Variants in LDLRAD3 observed in about 807,000 individuals in gnomAD.
LDLRAD3 encodes the protein low density lipoprotein receptor class A domain containing 3, also known as low-density lipoprotein receptor class A domain-containing protein 3.
LDLRAD3 carries 20 observed loss-of-function variants against 29.4 expected under a neutral mutation model. That is an observed-to-expected ratio of 0.68 (90% CI 0.48 to 0.99). The LOEUF is 0.99. Among genes scored for constraint, LDLRAD3 ranks in the 50% least tolerant of loss-of-function variants. LDLRAD3 has a pLI of 0.00. For synonymous variants in LDLRAD3, 157 were observed against 192.7 expected, an observed-to-expected ratio of 0.81 and a Z score of 1.53; for missense variants, 420 against 454.3, an observed-to-expected ratio of 0.92 and a Z score of 0.69.
At chr11:36,135,573 ATTTCTTTGT>A (rs1264324660) in intron 4 of LDLRAD3, among the ~76,000 whole-genome samples, 18 of 152,188 alleles carry the variant, frequency 1.2e-4, no homozygotes, top group Admixed American at 1.2e-3. Context: ...AGTCAAACAG[ATTTCTTTGT>A]TTTGGAACTA....
chr11:36,202,366 G>A (rs1017646140), intron 4 of LDLRAD3, among the ~76,000 whole-genome samples: 4 of 152,124 alleles, frequency 2.6e-5, no homozygotes, highest in Non-Finnish European at 5.9e-5. Context: ...AATGCAGGAT[G>A]TAGGAATTGG....
At chr11:36,153,450 G>A (rs1004511272) in intron 4 of LDLRAD3, among the ~76,000 whole-genome samples, 3 of 152,086 alleles carry the variant, frequency 2.0e-5, no homozygotes, top group Non-Finnish European at 2.9e-5. Context: ...GAACACAGTT[G>A]GGGGTATCTC....
rs149235114 is a variant in LDLRAD3 at position 36,004,496 on chromosome 11, C to T, written c.47-31607C>T. 1.9e-3 allele frequency among the ~76,000 whole-genome samples: 291 copies of T among 152,290 alleles called. 1 individual carries two copies. Among genetic ancestry groups the T allele is most frequent in the African/African-American group, 6.6e-3 (273 of 41,566 alleles). ...TCTGCTTCTGTGAGTCTGCAGGGTACAGCCCCCATGGCAGCTTTCACAGGC... is the reference window on the plus strand; with the variant it reads ...TCTGCTTCTGTGAGTCTGCAGGGTATAGCCCCCATGGCAGCTTTCACAGGC... On this transcript the variant is annotated intron_variant, in intron 1 of 5. Coordinates refer to ENST00000315571, the MANE Select transcript of LDLRAD3 (RefSeq NM_174902.4).
intron 4 of LDLRAD3, among the ~76,000 whole-genome samples, chr11:36,207,431 G>T (rs1034154089): frequency 6.6e-6 from 1 of 152,078 alleles, no homozygotes; most frequent in Non-Finnish European, 1.5e-5. Flanking sequence ...CAACACTTTG[G>T]GAAACAGAGG....
At chr11:36,182,260 G>A (rs913420782) in intron 4 of LDLRAD3, among the ~76,000 whole-genome samples, 1 of 152,150 alleles carries the variant, frequency 6.6e-6, no homozygotes, top group African/African-American at 2.4e-5. Context: ...AGGGTGTGAG[G>A]TTGTTTGTGA....
intron 2 of LDLRAD3, among the ~76,000 whole-genome samples, chr11:36,076,273 C>T (rs555417208): frequency 6.6e-6 from 1 of 152,204 alleles, no homozygotes; most frequent in Non-Finnish European, 1.5e-5. Context: ...TCCTGTCTGT[C>T]TAATTTTTAA....
At chr11:36,221,434 G>A (rs2133389013) in intron 4 of LDLRAD3, among the ~76,000 whole-genome samples, 1 of 151,998 alleles carries the variant, frequency 6.6e-6, no homozygotes, top group Middle Eastern at 3.5e-3. Context: ...AGTCAGTAAG[G>A]GGTCTCCAAG....
chr11:36,201,689 A>G (rs1020194837), intron 4 of LDLRAD3, among the ~76,000 whole-genome samples: 1 of 152,252 alleles, frequency 6.6e-6, no homozygotes, highest in Non-Finnish European at 1.5e-5. Context: ...ATTGTATTTA[A>G]TTAAACTTCT....
At chr11:36,008,635 C>T (rs183778767) in intron 1 of LDLRAD3, among the ~76,000 whole-genome samples, 225 of 152,262 alleles carry the variant, frequency 1.5e-3, no homozygotes, top group African/African-American at 5.1e-3. Context: ...GTGTCAATTC[C>T]TAGTAAATAT....
chr11:36,024,916 A>G (rs1160922330), intron 1 of LDLRAD3, among the ~76,000 whole-genome samples: 2 of 152,186 alleles, frequency 1.3e-5, no homozygotes, highest in African/African-American at 4.8e-5. Context: ...TATCTGACCT[A>G]CTGGCTAGGC....
intron 4 of LDLRAD3, among the ~76,000 whole-genome samples, chr11:36,209,461 G>T (rs1279549052): frequency 6.8e-6 from 1 of 147,336 alleles, no homozygotes; most frequent in East Asian, 2.0e-4. Context: ...CCGGGTTCAA[G>T]CAATTCTCTT....
chr11:36,112,412 C>T (rs1009658263), intron 4 of LDLRAD3, among the ~76,000 whole-genome samples: 58 of 152,304 alleles, frequency 3.8e-4, no homozygotes, highest in Admixed American at 3.3e-3. Context: ...TAAAAGTAAA[C>T]GTGAATTCCC....
At chr11:36,082,616 C>T (rs1007496173) in intron 3 of LDLRAD3, among the ~76,000 whole-genome samples, 1 of 138,518 alleles carries the variant, frequency 7.2e-6, no homozygotes, top group Non-Finnish European at 1.6e-5. Context: ...ACTGTGACCA[C>T]CCTGATTTGT....
intron 2 of LDLRAD3, among the ~76,000 whole-genome samples, chr11:36,060,285 C>T (rs1229632743): frequency 2.8e-5 from 4 of 144,880 alleles, no homozygotes; most frequent in Admixed American, 7.3e-5. Flanking sequence ...ACCCGGGAGG[C>T]GGAGCTTGCA....
rs67593168 is a variant in LDLRAD3, at chr11:36,038,971, C to CTTT, written c.193+2736_193+2738dup. Among the ~76,000 whole-genome samples, 541 of 102,448 alleles carry CTTT rather than the reference C, an allele frequency of 5.3e-3. 9 individuals carry two copies. The highest frequency in any genetic ancestry group is 0.011 in the African/African-American group (396 of 36,398). 67.2% of individuals were successfully genotyped at this position (102,448 alleles called of 152,430 possible). ...TTCTACTTTCATTTAAAATTTCTTT[C>CTTT]TTTTTTTTTTTTTTTTAGACGGAGT... On this transcript the variant is annotated intron_variant, in intron 2 of 5. Transcript: ENST00000315571.
At chr11:36,057,683 T>C (rs957695477) in intron 2 of LDLRAD3, among the ~76,000 whole-genome samples, 1 of 152,230 alleles carries the variant, frequency 6.6e-6, no homozygotes, top group Admixed American at 6.5e-5. Context: ...TCTACCTTCT[T>C]GGTCTTCCTC....
chr11:36,094,499 T>C (rs1380521795), intron 3 of LDLRAD3, among the ~76,000 whole-genome samples: 1 of 152,196 alleles, frequency 6.6e-6, no homozygotes, highest in East Asian at 1.9e-4. Flanking sequence ...GTATAACACA[T>C]GGTATCCATT....
At chr11:36,122,104 C>G (rs1853767927) in intron 4 of LDLRAD3, among the ~76,000 whole-genome samples, 2 of 152,202 alleles carry the variant, frequency 1.3e-5, no homozygotes, top group South Asian at 2.1e-4. Context: ...ACCTCAGAGC[C>G]CAAGCTCTTA....
chr11:36,092,281 G>T (rs1258764364), intron 3 of LDLRAD3, among the ~76,000 whole-genome samples: 1 of 151,952 alleles, frequency 6.6e-6, no homozygotes, highest in African/African-American at 2.4e-5. Flanking sequence ...TGTGCTTTTG[G>T]AATTCTTTTT....
Sources: allele counts gnomAD v4.1 joint callset (sites outside exome capture counted in the v4.1 genomes callset), GRCh38; gene constraint gnomAD v4.1.1; transcripts MANE v1.5; gene names NCBI Gene and HGNC (gene_info 2026-07-23, HGNC 2026-07-21).